Variants in ASTN2 observed in about 807,000 individuals in gnomAD.
ASTN2 encodes the protein astrotactin 2.
A neutral mutation model predicts 139.8 loss-of-function variants in ASTN2; 54 were observed. That is an observed-to-expected ratio of 0.39 (90% CI 0.31 to 0.48). The LOEUF is 0.48. Among genes scored for constraint, ASTN2 ranks in the 20% least tolerant of loss-of-function variants. ASTN2 has a pLI of 0.95. For synonymous variants in ASTN2, 756 were observed against 719.5 expected, an observed-to-expected ratio of 1.05 and a Z score of -0.81; for missense variants, 1,565 against 1,725.1, an observed-to-expected ratio of 0.91 and a Z score of 1.64.
At chr9:117,026,058 C>T (rs1469683909) in intron 6 of ASTN2, among the ~76,000 whole-genome samples, 1 of 152,018 alleles carries the variant, frequency 6.6e-6, no homozygotes, top group Non-Finnish European at 1.5e-5. Context: ...AGCCACCATG[C>T]CCAGCCTATT....
intron 16 of ASTN2, chr9:116,686,924 T>C: frequency 6.7e-7 from 1 of 1,499,398 alleles, no homozygotes; most frequent in Non-Finnish European, 8.9e-7. Flanking sequence ...GATTTTTCCG[T>C]TGGCCCATTT....
chr9:117,214,222 G>C, intron 3 of ASTN2, 136 bp downstream of exon 3: 1 of 1,073,128 alleles, frequency 9.3e-7, no homozygotes, highest in Non-Finnish European at 1.3e-6. Context: ...TAACCCAACA[G>C]AAATCTAAAG....
At chr9:117,141,269 T>C in intron 4 of ASTN2, 57 bp downstream of exon 4, 10 of 1,349,006 alleles carry the variant, frequency 7.4e-6, no homozygotes, top group Non-Finnish European at 9.9e-6. Context: ...CCCTAGCATC[T>C]TTGGAATCAG....
intron 10 of ASTN2, among the ~76,000 whole-genome samples, chr9:116,949,231 G>T (rs1835489831): frequency 6.6e-6 from 1 of 152,116 alleles, no homozygotes; most frequent in Non-Finnish European, 1.5e-5. Flanking sequence ...GTTTGAAAAT[G>T]CTCCTGAGCT....
At chr9:116,987,976 G>A (rs1246567099) in intron 7 of ASTN2, among the ~76,000 whole-genome samples, 1 of 152,182 alleles carries the variant, frequency 6.6e-6, no homozygotes, top group Non-Finnish European at 1.5e-5. Flanking sequence ...AATTGTGTGA[G>A]ATTTCATCAC....
intron 10 of ASTN2, among the ~76,000 whole-genome samples, chr9:116,913,973 G>A (rs1390936839): frequency 1.3e-5 from 2 of 149,726 alleles, no homozygotes; most frequent in African/African-American, 5.0e-5. Context: ...ACAAGAAAAG[G>A]AACAGATTGA....
intron 19 of ASTN2, among the ~76,000 whole-genome samples, chr9:116,537,117 C>G (rs1233436043): frequency 6.6e-6 from 1 of 152,164 alleles, no homozygotes. Context: ...GCTGTGCTAG[C>G]AATGAGTGAG....
At chr9:117,314,606 AATTT>A (rs1828077958) in intron 1 of ASTN2, among the ~76,000 whole-genome samples, 2 of 147,024 alleles carry the variant, frequency 1.4e-5, no homozygotes, top group South Asian at 2.1e-4. Flanking sequence ...ATATTGTATT[AATTT>A]ATTTTATAAT....
chr9:116,913,718 T>C (rs1036035873), intron 10 of ASTN2, among the ~76,000 whole-genome samples: 2 of 152,108 alleles, frequency 1.3e-5, no homozygotes, highest in African/African-American at 4.8e-5. Flanking sequence ...GTTTCTGCAT[T>C]CGTAATTGGG....
At chr9:116,569,896 T>C (rs184510875) in intron 19 of ASTN2, among the ~76,000 whole-genome samples, 3 of 152,328 alleles carry the variant, frequency 2.0e-5, no homozygotes, top group African/African-American at 7.2e-5. Flanking sequence ...TTTCTCTGAC[T>C]GGTTGGAGAG....
chr9:117,159,199 C>T (rs1830494207), intron 3 of ASTN2, among the ~76,000 whole-genome samples: 1 of 151,874 alleles, frequency 6.6e-6, no homozygotes, highest in African/African-American at 2.4e-5. Context: ...GCAGGCCTGT[C>T]GTCTGCTAAC....
intron 1 of ASTN2, among the ~76,000 whole-genome samples, chr9:117,364,198 C>G (rs777870011): frequency 2.0e-5 from 3 of 152,142 alleles, no homozygotes; most frequent in African/African-American, 4.8e-5. Flanking sequence ...TGTAGTCCAG[C>G]TTCCCCCTCT....
chr9:117,021,483 A>G (rs1837878161), intron 6 of ASTN2, among the ~76,000 whole-genome samples: 1 of 152,174 alleles, frequency 6.6e-6, no homozygotes, highest in African/African-American at 2.4e-5. Context: ...CAGAGACCCT[A>G]TAAAAGATCA....
intron 19 of ASTN2, among the ~76,000 whole-genome samples, chr9:116,577,615 G>A (rs1853775136): frequency 6.6e-6 from 1 of 152,174 alleles, no homozygotes; most frequent in Non-Finnish European, 1.5e-5. Flanking sequence ...AACAGTGTCT[G>A]AGTTGAGTTG....
chr9:117,225,627 C>T (rs1023294), intron 2 of ASTN2, among the ~76,000 whole-genome samples: 40,411 of 138,310 alleles, frequency 0.29, 7,277 homozygotes, highest in Middle Eastern at 0.43. Context: ...CATTGATTTA[C>T]TTATTCCCCA....
At chr9:117,163,576 G>A (rs145073896) in intron 3 of ASTN2, among the ~76,000 whole-genome samples, 1 of 152,004 alleles carries the variant, frequency 6.6e-6, no homozygotes, top group East Asian at 1.9e-4. Flanking sequence ...TCTAGCCAGG[G>A]CTTTTAAATA....
chr9:117,164,558 C>G (rs1168114161), intron 3 of ASTN2, among the ~76,000 whole-genome samples: 1 of 152,074 alleles, frequency 6.6e-6, no homozygotes, highest in African/African-American at 2.4e-5. Context: ...CCCCTGCCCC[C>G]CAATCCCCTC....
intron 19 of ASTN2, among the ~76,000 whole-genome samples, chr9:116,517,867 A>G (rs1027188194): frequency 2.6e-5 from 4 of 152,216 alleles, no homozygotes; most frequent in Non-Finnish European, 5.9e-5. Context: ...AATGCACTGG[A>G]AAGTCTCAGC....
intron 19 of ASTN2, chr9:116,568,347 T>A (rs953167290): frequency 1.2e-4 from 18 of 152,246 alleles, no homozygotes; most frequent in African/African-American, 4.3e-4. Context: ...GATATTTTTT[T>A]AAATTTTTAA....
Sources: allele counts gnomAD v4.1 joint callset (sites outside exome capture counted in the v4.1 genomes callset), GRCh38; gene constraint gnomAD v4.1.1; transcripts MANE v1.5; gene names NCBI Gene and HGNC (gene_info 2026-07-23, HGNC 2026-07-21).